RCAN2: variants seen among roughly 807,000 people sequenced by gnomAD.
RCAN2 encodes calcipressin-2.
In RCAN2, 9 loss-of-function variants were observed where a neutral mutation model predicts 23.6. That is an observed-to-expected ratio of 0.38 (90% CI 0.23 to 0.67). The LOEUF is 0.67. Among genes scored for constraint, RCAN2 ranks in the 30% least tolerant of loss-of-function variants. The probability of loss-of-function intolerance (pLI) is 0.51; values close to 1 mark genes in which losing one functional copy is unlikely to be tolerated. For missense variants in RCAN2, 273 were observed against 302.3 expected (o/e 0.90, Z 0.72); for synonymous variants, 109 against 115.7 (o/e 0.94, Z 0.37).
intron 2 of RCAN2, among the ~76,000 whole-genome samples, chr6:46,409,502 A>G (rs1766492435): frequency 6.6e-6 from 1 of 152,192 alleles, no homozygotes; most frequent in South Asian, 2.1e-4. Context: ...TGTTCATTCC[A>G]CATTGTCAAG....
intron 1 of RCAN2, among the ~76,000 whole-genome samples, chr6:46,477,391 A>T (rs1202526039): frequency 6.6e-6 from 1 of 152,184 alleles, no homozygotes; most frequent in African/African-American, 2.4e-5. Flanking sequence ...AAAAGCTAGA[A>T]TCAAATTGTA....
chr6:46,373,265 T>C (rs1478943353), intron 2 of RCAN2, among the ~76,000 whole-genome samples: 3 of 152,164 alleles, frequency 2.0e-5, no homozygotes, highest in Non-Finnish European at 4.4e-5. Flanking sequence ...ATTTTGGTTT[T>C]ATTTATTTTT....
chr6:46,461,447 G>A (rs1474835633), intron 1 of RCAN2, among the ~76,000 whole-genome samples: 2 of 152,106 alleles, frequency 1.3e-5, no homozygotes, highest in African/African-American at 4.8e-5. Flanking sequence ...ATCTTCCCAT[G>A]GGAGAATTTC....
intron 2 of RCAN2, among the ~76,000 whole-genome samples, chr6:46,323,845 C>T (rs1763698832): frequency 6.6e-6 from 1 of 152,182 alleles, no homozygotes; most frequent in Non-Finnish European, 1.5e-5. Context: ...CCTATATAAG[C>T]ACAATGCCTG....
At chr6:46,311,008 C>T (rs1247959767) in intron 2 of RCAN2, among the ~76,000 whole-genome samples, 1 of 152,124 alleles carries the variant, frequency 6.6e-6, no homozygotes, top group Non-Finnish European at 1.5e-5. Flanking sequence ...ACAATAACAA[C>T]CATCTATTGA....
intron 2 of RCAN2, among the ~76,000 whole-genome samples, chr6:46,417,313 T>A (rs991270998): frequency 1.3e-5 from 2 of 152,202 alleles, no homozygotes; most frequent in East Asian, 3.8e-4. Flanking sequence ...AAAAATGATA[T>A]CTCACTGTTG....
intron 1 of RCAN2, chr6:46,468,739 CCTCTCTTCT>C: frequency 1.2e-6 from 1 of 854,682 alleles, no homozygotes; most frequent in Non-Finnish European, 1.4e-6. Context: ...CCCTCTCTCC[CCTCTCTTCT>C]CTCTCCCCAC....
chr6:46,256,572 T>C (rs1349425130), intron 2 of RCAN2, among the ~76,000 whole-genome samples: 1 of 152,094 alleles, frequency 6.6e-6, no homozygotes, highest in African/African-American at 2.4e-5. Context: ...TTTAGATGTA[T>C]TTGCTTTTCT....
rs1271745211 is a variant in RCAN2 at position 46,364,232 on chromosome 6, G to A, written c.225+92520C>T. Among the ~76,000 whole-genome samples the A allele has an allele frequency of 7.9e-5, 12 of 152,146 alleles. 1 individual carries two copies. Among genetic ancestry groups the A allele is most frequent in the Admixed American group, 7.2e-4 (11 of 15,290 alleles). ...CCTTTAGAGAGAACTAAATAAAGGG[G>A]TGGGGAACAAAGGTATGACATGGGA... On this transcript the variant is annotated intron_variant, in intron 2 of 4. Coordinates refer to ENST00000371374, the MANE Select transcript of RCAN2 (RefSeq NM_001251974.2).
chr6:46,293,075 T>A (rs932642690), intron 2 of RCAN2, among the ~76,000 whole-genome samples: 1 of 152,222 alleles, frequency 6.6e-6, no homozygotes, highest in Non-Finnish European at 1.5e-5. Context: ...AATGGTTGTA[T>A]AGTATTCCAT....
chr6:46,368,780 G>A (rs1371274736), intron 2 of RCAN2, among the ~76,000 whole-genome samples: 1 of 152,136 alleles, frequency 6.6e-6, no homozygotes, highest in African/African-American at 2.4e-5. Context: ...TACGAGTCAG[G>A]GAGTGAGTGG....
chr6:46,365,302 C>G (rs1765136576), intron 2 of RCAN2, among the ~76,000 whole-genome samples: 1 of 151,786 alleles, frequency 6.6e-6, no homozygotes, highest in African/African-American at 2.4e-5. Flanking sequence ...ATGGTGAAAC[C>G]CTGTCTCTAC....
intron 2 of RCAN2, among the ~76,000 whole-genome samples, chr6:46,430,709 T>C (rs998537905): frequency 6.6e-6 from 1 of 152,182 alleles, no homozygotes; most frequent in Admixed American, 6.5e-5. Flanking sequence ...AAAAGATTGG[T>C]TTCTTCAAAG....
chr6:46,302,946 AGTGG>A (rs888029303), intron 2 of RCAN2, among the ~76,000 whole-genome samples: 9 of 152,014 alleles, frequency 5.9e-5, no homozygotes, highest in African/African-American at 1.9e-4. Flanking sequence ...TTCAAACCCA[AGTGG>A]GGCTGACTCC....
At chr6:46,277,463 G>A (rs994324685) in intron 2 of RCAN2, among the ~76,000 whole-genome samples, 1 of 152,124 alleles carries the variant, frequency 6.6e-6, no homozygotes, top group Non-Finnish European at 1.5e-5. Flanking sequence ...AACTGTCCTG[G>A]GCCAGTTGGG....
chr6:46,343,636 A>C (rs1263481325), intron 2 of RCAN2, among the ~76,000 whole-genome samples: 1 of 152,110 alleles, frequency 6.6e-6, no homozygotes, highest in Non-Finnish European at 1.5e-5. Context: ...CAGCCTCCCA[A>C]AGTGCTGGAA....
chr6:46,465,741 G>A (rs1348166014), intron 1 of RCAN2, among the ~76,000 whole-genome samples: 1 of 152,222 alleles, frequency 6.6e-6, no homozygotes, highest in Non-Finnish European at 1.5e-5. Context: ...CATGGAGGTG[G>A]AACACAGAGG....
chr6:46,433,889 T>C (rs567071623), intron 2 of RCAN2, among the ~76,000 whole-genome samples: 160 of 152,346 alleles, frequency 1.1e-3, no homozygotes, highest in Admixed American at 2.2e-3. Context: ...TTGTTAGTAC[T>C]CCCATGGCCA....
intron 2 of RCAN2, among the ~76,000 whole-genome samples, chr6:46,386,181 A>G (rs12111021): frequency 0.017 from 2,601 of 152,238 alleles, 54 homozygotes; most frequent in South Asian, 0.12. Flanking sequence ...CTAGAAAAAG[A>G]CAAACACCCC....
Sources: gnomAD v4.1 joint callset for allele counts (sites outside exome capture counted in the v4.1 genomes callset) on GRCh38, gnomAD v4.1.1 for gene constraint, MANE v1.5 for transcripts, NCBI Gene and HGNC (gene_info 2026-07-23, HGNC 2026-07-21) for gene names.